Variants in ARB2A observed in about 807,000 individuals in gnomAD.
The protein encoded by ARB2A is cotranscriptional regulator ARB2A.
At chr5:94,082,436 A>C in the ARB2A span, among the ~76,000 whole-genome samples, 3 of 152,226 alleles carry the variant, frequency 2.0e-5, no homozygotes, top group African/African-American at 7.2e-5. Flanking sequence ...AGAAAAATGA[A>C]GACAAACTTG....
chr5:94,087,049 G>T, the ARB2A span, among the ~76,000 whole-genome samples: 1 of 152,144 alleles, frequency 6.6e-6, no homozygotes, highest in Non-Finnish European at 1.5e-5. Context: ...AGATGTAGAA[G>T]TAGAAGACAG....
the ARB2A span, among the ~76,000 whole-genome samples, chr5:93,898,806 T>A: frequency 6.6e-6 from 1 of 152,080 alleles, no homozygotes; most frequent in African/African-American, 2.4e-5. Context: ...AATAAAAATT[T>A]GTAAATAATA....
chr5:93,943,891 T>A, the ARB2A span, among the ~76,000 whole-genome samples: 1 of 152,128 alleles, frequency 6.6e-6, no homozygotes, highest in African/African-American at 2.4e-5. Context: ...ATGAAAAGAA[T>A]CAAAACATTA....
chr5:93,869,751 C>T, the ARB2A span, among the ~76,000 whole-genome samples: 2 of 152,150 alleles, frequency 1.3e-5, no homozygotes, highest in African/African-American at 4.8e-5. Context: ...ATCTCCCCCA[C>T]CATAAGAAGG....
the ARB2A span, among the ~76,000 whole-genome samples, chr5:93,752,951 T>G: frequency 6.6e-6 from 1 of 152,154 alleles, no homozygotes; most frequent in East Asian, 1.9e-4. Context: ...TAATAAAAAC[T>G]GTCTGAAAAG....
chr5:94,074,810 C>T, the ARB2A span: 1 of 1,347,172 alleles, frequency 7.4e-7, no homozygotes, highest in Non-Finnish European at 1.0e-6. Flanking sequence ...CTACTCAAAA[C>T]CTATCTATTC....
the ARB2A span, among the ~76,000 whole-genome samples, chr5:94,035,548 G>A: frequency 6.6e-6 from 1 of 151,986 alleles, no homozygotes; most frequent in African/African-American, 2.4e-5. Context: ...CATTTCACTG[G>A]CCATTGTTTT....
chr5:94,025,553 AG>A, the ARB2A span, among the ~76,000 whole-genome samples: 1 of 152,142 alleles, frequency 6.6e-6, no homozygotes, highest in Non-Finnish European at 1.5e-5. Flanking sequence ...GTCCAATAAC[AG>A]TAAGGAATTA....
the ARB2A span, among the ~76,000 whole-genome samples, chr5:94,038,563 T>G: frequency 6.6e-5 from 10 of 152,136 alleles, no homozygotes; most frequent in Non-Finnish European, 1.0e-4. Context: ...AATATTCTTT[T>G]GTGTATTATG....
chr5:93,919,956 T>C, the ARB2A span, among the ~76,000 whole-genome samples: 2 of 152,180 alleles, frequency 1.3e-5, no homozygotes, highest in Admixed American at 6.5e-5. Context: ...TAAATCTCCA[T>C]AAAGTGTACA....
chr5:93,960,095 C>CA, the ARB2A span, among the ~76,000 whole-genome samples: 403 of 139,248 alleles, frequency 2.9e-3, 10 homozygotes, highest in Non-Finnish European at 4.0e-3. Context: ...CCCCCCCCCC[C>CA]AAAAAAAGCC....
the ARB2A span, among the ~76,000 whole-genome samples, chr5:94,093,211 C>A: frequency 7.2e-5 from 11 of 151,864 alleles, no homozygotes; most frequent in Admixed American, 2.6e-4. Flanking sequence ...TATAGGAAAC[C>A]GTGCTCTACT....
chr5:93,985,465 C>G, the ARB2A span, among the ~76,000 whole-genome samples: 3 of 152,016 alleles, frequency 2.0e-5, no homozygotes, highest in Admixed American at 1.3e-4. Flanking sequence ...TCCACGGTCT[C>G]CCTCTATTAC....
the ARB2A span, among the ~76,000 whole-genome samples, chr5:93,774,501 C>T: frequency 1.3e-5 from 2 of 152,190 alleles, no homozygotes; most frequent in Non-Finnish European, 2.9e-5. Context: ...AAATTTGAGT[C>T]ATCCATTCTT....
At chr5:93,857,710 A>G in the ARB2A span, among the ~76,000 whole-genome samples, 2 of 152,180 alleles carry the variant, frequency 1.3e-5, no homozygotes, top group Non-Finnish European at 2.9e-5. Flanking sequence ...TGACTAGGAA[A>G]GGGAACTCCC....
chr5:93,847,017 T>C, the ARB2A span, among the ~76,000 whole-genome samples: 3 of 152,348 alleles, frequency 2.0e-5, no homozygotes, highest in Admixed American at 1.3e-4. Context: ...AAACCTGTCC[T>C]TGTATCAATT....
chr5:93,836,318 C>T, the ARB2A span, among the ~76,000 whole-genome samples: 5,390 of 152,316 alleles, frequency 0.035, 159 homozygotes, highest in East Asian at 0.14. Context: ...TGAGCCACCA[C>T]GCCAGGCCTA....
the ARB2A span, among the ~76,000 whole-genome samples, chr5:94,048,819 T>G: frequency 6.6e-6 from 1 of 152,200 alleles, no homozygotes; most frequent in Non-Finnish European, 1.5e-5. Flanking sequence ...TGGAGGGAGA[T>G]ACAACCTCTG....
At chr5:93,815,101 C>T in the ARB2A span, among the ~76,000 whole-genome samples, 3 of 152,162 alleles carry the variant, frequency 2.0e-5, no homozygotes, top group Admixed American at 2.0e-4. Flanking sequence ...CCTCAGCCTC[C>T]CAAAGAATTG....
Sources: allele counts gnomAD v4.1 joint callset (sites outside exome capture counted in the v4.1 genomes callset), GRCh38; gene constraint gnomAD v4.1.1; transcripts MANE v1.5; gene names NCBI Gene and HGNC (gene_info 2026-07-23, HGNC 2026-07-21).